The following ABTB3 variants were observed in gnomAD, a reference collection of about 807,000 sequenced individuals.
ABTB3 encodes the protein ankyrin repeat- and BTB/POZ domain-containing protein 3.
the ABTB3 span, among the ~76,000 whole-genome samples, chr12:107,597,011 T>C: frequency 4.6e-5 from 7 of 152,330 alleles, no homozygotes; most frequent in South Asian, 1.5e-3. Context: ...GTGCATCCCT[T>C]AGAACTCTAC....
At chr12:107,319,069 G>C in the ABTB3 span, 1 of 1,613,184 alleles carries the variant, frequency 6.2e-7, no homozygotes, top group Non-Finnish European at 8.5e-7. Flanking sequence ...ACTCGCACCC[G>C]GCGTCCCCGT....
chr12:107,621,763 C>T, the ABTB3 span, among the ~76,000 whole-genome samples: 14 of 152,302 alleles, frequency 9.2e-5, no homozygotes, highest in Admixed American at 3.9e-4. Flanking sequence ...GCCACTCTCC[C>T]GACATCTAAC....
the ABTB3 span, among the ~76,000 whole-genome samples, chr12:107,327,596 A>G: frequency 6.6e-6 from 1 of 152,222 alleles, no homozygotes; most frequent in East Asian, 1.9e-4. Flanking sequence ...ATACAGGCTT[A>G]GTAGGCATGA....
the ABTB3 span, among the ~76,000 whole-genome samples, chr12:107,595,586 A>G: frequency 6.6e-6 from 1 of 152,194 alleles, no homozygotes; most frequent in African/African-American, 2.4e-5. Flanking sequence ...ACCAGACAGC[A>G]GCATTGGAAG....
the ABTB3 span, among the ~76,000 whole-genome samples, chr12:107,502,571 G>A: frequency 1.5e-5 from 2 of 132,434 alleles, no homozygotes; most frequent in African/African-American, 3.6e-5. Flanking sequence ...GTCATGAAGT[G>A]GAATGTTTTA....
At chr12:107,471,132 C>T in the ABTB3 span, among the ~76,000 whole-genome samples, 1 of 152,222 alleles carries the variant, frequency 6.6e-6, no homozygotes, top group Non-Finnish European at 1.5e-5. Context: ...TTCAGAATAA[C>T]AAACCCCTCT....
the ABTB3 span, among the ~76,000 whole-genome samples, chr12:107,465,264 G>A: frequency 2.7e-4 from 41 of 152,136 alleles, 1 homozygote; most frequent in Admixed American, 2.4e-3. Flanking sequence ...CAACAACACA[G>A]CGAGGAAGGC....
At chr12:107,434,152 G>A in the ABTB3 span, among the ~76,000 whole-genome samples, 6 of 152,310 alleles carry the variant, frequency 3.9e-5, no homozygotes, top group African/African-American at 7.2e-5. Flanking sequence ...TTATTCTCAC[G>A]AGGGAAACTG....
At chr12:107,322,819 G>A in the ABTB3 span, among the ~76,000 whole-genome samples, 2 of 150,446 alleles carry the variant, frequency 1.3e-5, no homozygotes, top group African/African-American at 4.9e-5. Context: ...ACTCCTGTCT[G>A]TATGACTCTT....
the ABTB3 span, among the ~76,000 whole-genome samples, chr12:107,384,684 G>T: frequency 6.6e-6 from 1 of 152,152 alleles, no homozygotes; most frequent in South Asian, 2.1e-4. Flanking sequence ...AAGGGGGTCA[G>T]GTCTTTGTAC....
At chr12:107,447,407 G>A in the ABTB3 span, among the ~76,000 whole-genome samples, 57 of 152,266 alleles carry the variant, frequency 3.7e-4, 2 homozygotes, top group South Asian at 0.012. Context: ...CTCCCAAAAT[G>A]CTAGGATTAC....
the ABTB3 span, among the ~76,000 whole-genome samples, chr12:107,465,490 G>A: frequency 6.6e-6 from 1 of 152,188 alleles, no homozygotes; most frequent in East Asian, 1.9e-4. Context: ...ACACAGTAGG[G>A]ACTCAATGAT....
the ABTB3 span, among the ~76,000 whole-genome samples, chr12:107,557,228 C>T: frequency 6.6e-6 from 1 of 152,226 alleles, no homozygotes; most frequent in Non-Finnish European, 1.5e-5. Context: ...CTCGCCTCCA[C>T]ACCTAAGCTA....
At chr12:107,346,367 C>T in the ABTB3 span, among the ~76,000 whole-genome samples, 1 of 152,044 alleles carries the variant, frequency 6.6e-6, no homozygotes, top group Non-Finnish European at 1.5e-5. Flanking sequence ...AGGAAATGGC[C>T]CCTTGTGATG....
At chr12:107,602,664 A>G in the ABTB3 span, among the ~76,000 whole-genome samples, 3 of 152,226 alleles carry the variant, frequency 2.0e-5, no homozygotes, top group Non-Finnish European at 4.4e-5. Context: ...GAGATACCAG[A>G]GTTTATGCTC....
At chr12:107,637,828 GTGTGT>G in the ABTB3 span, among the ~76,000 whole-genome samples, 1 of 124,616 alleles carries the variant, frequency 8.0e-6, no homozygotes, top group African/African-American at 2.7e-5. Flanking sequence ...GTGTGTGTGT[GTGTGT>G]GGTATGGTGT....
the ABTB3 span, among the ~76,000 whole-genome samples, chr12:107,383,299 T>A: frequency 4.6e-5 from 7 of 152,284 alleles, no homozygotes; most frequent in South Asian, 1.2e-3. Flanking sequence ...CCCACAGCCC[T>A]GAGTTTAGCA....
chr12:107,537,440 G>A, the ABTB3 span, among the ~76,000 whole-genome samples: 1 of 152,080 alleles, frequency 6.6e-6, no homozygotes, highest in Non-Finnish European at 1.5e-5. Context: ...TAATTACCCT[G>A]ATTTGATCAT....
the ABTB3 span, among the ~76,000 whole-genome samples, chr12:107,633,837 C>T: frequency 6.6e-6 from 1 of 152,218 alleles, no homozygotes; most frequent in Non-Finnish European, 1.5e-5. Flanking sequence ...ACGCAGATGC[C>T]TGGGCCTCAC....
Sources: gnomAD v4.1 joint callset for allele counts (sites outside exome capture counted in the v4.1 genomes callset) on GRCh38, gnomAD v4.1.1 for gene constraint, MANE v1.5 for transcripts, NCBI Gene and HGNC (gene_info 2026-07-23, HGNC 2026-07-21) for gene names.